STARD13: variants seen among roughly 807,000 people sequenced by gnomAD.
STARD13 encodes stAR-related lipid transfer protein 13.
In STARD13, 62 loss-of-function variants were observed where a neutral mutation model predicts 106.4. That is an observed-to-expected ratio of 0.58 (90% CI 0.48 to 0.72). STARD13 has a LOEUF of 0.72. Ranked by LOEUF, STARD13 falls within the 30% of genes least tolerant of loss-of-function variation. The pLI is 0.00. For missense variants in STARD13, 1,387 were observed against 1,424.0 expected (o/e 0.97, Z 0.42); for synonymous variants, 565 against 553.0 (o/e 1.02, Z -0.31).
the STARD13 span, among the ~76,000 whole-genome samples, chr13:33,367,766 G>A: frequency 6.6e-6 from 1 of 151,498 alleles, no homozygotes; most frequent in Non-Finnish European, 1.5e-5. Flanking sequence ...GGCAATTTTG[G>A]GGAAAACTCA....
chr13:33,450,548 A>C, the STARD13 span, among the ~76,000 whole-genome samples: 4 of 152,098 alleles, frequency 2.6e-5, no homozygotes, highest in Non-Finnish European at 4.4e-5. Context: ...GTGTTATTGA[A>C]ATTTAGTTAT....
the STARD13 span, among the ~76,000 whole-genome samples, chr13:33,662,426 G>A: frequency 6.6e-6 from 1 of 152,230 alleles, no homozygotes; most frequent in South Asian, 2.1e-4. Context: ...TGAAAATGTT[G>A]TAATGGAAAG....
At chr13:33,588,328 G>A in the STARD13 span, among the ~76,000 whole-genome samples, 2 of 152,268 alleles carry the variant, frequency 1.3e-5, no homozygotes, top group Non-Finnish European at 2.9e-5. Context: ...TCTAATAGAA[G>A]GTCTTAGATT....
At chr13:33,201,343 A>G (rs1041447242) in intron 1 of STARD13, among the ~76,000 whole-genome samples, 1 of 152,214 alleles carries the variant, frequency 6.6e-6, no homozygotes, top group African/African-American at 2.4e-5. Context: ...CCCGTGTTCA[A>G]CTGACTACAT....
the STARD13 span, among the ~76,000 whole-genome samples, chr13:33,536,581 T>A: frequency 2.0e-5 from 3 of 152,174 alleles, no homozygotes; most frequent in African/African-American, 7.2e-5. Context: ...ATATGAGAGG[T>A]GACAATAAAA....
At chr13:33,493,884 G>A in the STARD13 span, among the ~76,000 whole-genome samples, 87 of 152,242 alleles carry the variant, frequency 5.7e-4, 1 homozygote, top group African/African-American at 2.1e-3. Context: ...AGGTCTGAGT[G>A]GAACACAGCT....
intron 1 of STARD13, chr13:33,333,878 C>T (rs1036144841): frequency 6.6e-6 from 1 of 152,186 alleles, no homozygotes; most frequent in Non-Finnish European, 1.5e-5. Flanking sequence ...CTTATAATCA[C>T]AAGAGTCAGT....
At chr13:33,163,641 CAT>C (rs773984520) in intron 3 of STARD13, among the ~76,000 whole-genome samples, 12,461 of 51,794 alleles carry the variant, frequency 0.24, 1,138 homozygotes, top group East Asian at 0.35. Flanking sequence ...ATATATATAA[CAT>C]ATATATATAT....
chr13:33,292,195 G>T (rs185656131), intron 1 of STARD13, among the ~76,000 whole-genome samples: 6 of 152,244 alleles, frequency 3.9e-5, no homozygotes, highest in Admixed American at 3.9e-4. Context: ...TGTGGCTTAA[G>T]ATGCCTCTCT....
At chr13:33,350,141 G>C in intron 1 of STARD13, 1 of 1,150,912 alleles carries the variant, frequency 8.7e-7, no homozygotes. Flanking sequence ...GGCCCAGGGA[G>C]GGTGGTGCCC....
At chr13:33,580,791 G>A in the STARD13 span, among the ~76,000 whole-genome samples, 1 of 152,032 alleles carries the variant, frequency 6.6e-6, no homozygotes, top group Non-Finnish European at 1.5e-5. Flanking sequence ...CTATTTATAA[G>A]CAAGATAGAC....
intron 1 of STARD13, chr13:33,276,210 G>T (rs7323442): frequency 6.6e-6 from 1 of 152,176 alleles, no homozygotes; most frequent in African/African-American, 2.4e-5. Flanking sequence ...TTTCCTATCT[G>T]AAAGAGACCA....
At chr13:33,390,507 C>T in the STARD13 span, among the ~76,000 whole-genome samples, 1 of 152,168 alleles carries the variant, frequency 6.6e-6, no homozygotes, top group South Asian at 2.1e-4. Context: ...ACAGAGGGCA[C>T]TGGGAGCTCC....
chr13:33,645,381 A>C, the STARD13 span, among the ~76,000 whole-genome samples: 1 of 152,110 alleles, frequency 6.6e-6, no homozygotes, highest in Non-Finnish European at 1.5e-5. Context: ...CTACCAGATG[A>C]TGTGTCTATA....
At chr13:33,669,595 G>T in the STARD13 span, among the ~76,000 whole-genome samples, 1 of 147,168 alleles carries the variant, frequency 6.8e-6, no homozygotes, top group South Asian at 2.1e-4. Flanking sequence ...GAGTGCAGTG[G>T]TGTGATCTCA....
chr13:33,222,709 TGAA>T (rs1888423409), intron 1 of STARD13, among the ~76,000 whole-genome samples: 1 of 152,216 alleles, frequency 6.6e-6, no homozygotes, highest in South Asian at 2.1e-4. Flanking sequence ...ATGTTAGAGA[TGAA>T]GAAGAAATAA....
In STARD13 at chr13:33,126,107, A is replaced by G. The variant is rs777635446; in HGVS notation, c.2056T>C (p.Tyr686His). The G allele has an allele frequency of 4.3e-6, 7 of 1,613,974 alleles. No homozygotes were observed. Among genetic ancestry groups the G allele is most frequent in the Non-Finnish European group, 5.9e-6 (7 of 1,180,016 alleles). Residue 686 changes from tyrosine to histidine, a missense_variant, in exon 7 of 14, where the codon TAT becomes CAT. Tyr to His is a moderately conservative substitution (Grantham distance 83). Transcript: ENST00000336934. ...TGATCGAGGCAGTTGCTGCGTAGAT[A>G]TCTCAGTGCTTGCTGAATACTTTGA... ...LPQSIQQALR[Y>H]LRSNCLDQVG... is the part of the protein sequence containing the mutation.
chr13:33,464,819 G>A, the STARD13 span, among the ~76,000 whole-genome samples: 3 of 151,996 alleles, frequency 2.0e-5, no homozygotes, highest in Non-Finnish European at 4.4e-5. Context: ...ATGGGCAACA[G>A]AGCGAGACTC....
the STARD13 span, among the ~76,000 whole-genome samples, chr13:33,607,808 A>T: frequency 6.6e-6 from 1 of 152,240 alleles, no homozygotes; most frequent in Non-Finnish European, 1.5e-5. Context: ...ATAACTAAGC[A>T]ACAAATAATC....
Sources: gnomAD v4.1 joint callset for allele counts (sites outside exome capture counted in the v4.1 genomes callset) on GRCh38, gnomAD v4.1.1 for gene constraint, MANE v1.5 for transcripts, NCBI Gene and HGNC (gene_info 2026-07-23, HGNC 2026-07-21) for gene names.